ENOX1: variants seen among roughly 807,000 people sequenced by gnomAD.
The protein encoded by ENOX1 is candidate growth-related and time keeping constitutive hydroquinone (NADH) oxidase.
A neutral mutation model predicts 82.5 loss-of-function variants in ENOX1; 42 were observed. The observed-to-expected ratio is 0.51, with a 90% CI of 0.40 to 0.66. The LOEUF is 0.66. ENOX1 is among the 30% of genes least tolerant of loss of function. The pLI is 0.00. For missense variants in ENOX1, 608 were observed against 811.6 expected (o/e 0.75, Z 3.05); for synonymous variants, 271 against 282.2 (o/e 0.96, Z 0.40).
In ENOX1 at chr13:43,419,025, A is replaced by G. The variant is rs2054810477; in HGVS notation, c.-74-6037T>C. 2.0e-5 allele frequency among the ~76,000 whole-genome samples: 3 copies of G among 152,116 alleles called. No homozygotes were observed. The South Asian group carries it at 6.2e-4, about 32-fold the overall frequency. ...AAACCCCGTCTCTACTAAAAATACAAAACTTAGCTGGGTATGGTGGCGGGT... is the reference window on the plus strand; with the variant it reads ...AAACCCCGTCTCTACTAAAAATACAGAACTTAGCTGGGTATGGTGGCGGGT... On this transcript the variant is annotated intron_variant, in intron 3 of 16. Transcript: ENST00000690772.
intron 12 of ENOX1, among the ~76,000 whole-genome samples, chr13:43,292,666 T>C (rs2046065200): frequency 6.6e-6 from 1 of 152,048 alleles, no homozygotes; most frequent in Non-Finnish European, 1.5e-5. Flanking sequence ...ATGCTCATTT[T>C]ATCTCTTTCC....
chr13:43,574,379 T>C (rs2080322563), intron 2 of ENOX1, among the ~76,000 whole-genome samples: 1 of 152,096 alleles, frequency 6.6e-6, no homozygotes, highest in Non-Finnish European at 1.5e-5. Flanking sequence ...AAGTGCAGTA[T>C]TGTCAGCGAG....
chr13:43,478,971 A>G (rs79765694), intron 3 of ENOX1, among the ~76,000 whole-genome samples: 3 of 56,004 alleles, frequency 5.4e-5, no homozygotes, highest in South Asian at 6.3e-4. Flanking sequence ...AAGCCTTTGG[A>G]GGAGAAACTC....
intron 2 of ENOX1, among the ~76,000 whole-genome samples, chr13:43,494,521 G>A (rs7997191): frequency 1.3e-5 from 2 of 152,116 alleles, no homozygotes; most frequent in East Asian, 1.9e-4. Flanking sequence ...TATTGTTTAC[G>A]ATTTATTTGT....
intron 1 of ENOX1, among the ~76,000 whole-genome samples, chr13:43,720,360 G>T (rs771934037): frequency 3.3e-5 from 5 of 152,194 alleles, no homozygotes; most frequent in Admixed American, 6.5e-5. Flanking sequence ...TCATACGGAA[G>T]CCCGTTCAAT....
intron 15 of ENOX1, among the ~76,000 whole-genome samples, chr13:43,232,885 T>C (rs2153457072): frequency 6.6e-6 from 1 of 152,242 alleles, no homozygotes; most frequent in South Asian, 2.1e-4. Flanking sequence ...CAAGAGAATA[T>C]AGAGTGATAC....
At chr13:43,249,328 T>G (rs938156498) in intron 14 of ENOX1, among the ~76,000 whole-genome samples, 5 of 152,238 alleles carry the variant, frequency 3.3e-5, no homozygotes, top group African/African-American at 1.2e-4. Context: ...GTAGAAAATG[T>G]AACCCACACT....
At chr13:43,741,914 A>G (rs1458602475) in intron 1 of ENOX1, among the ~76,000 whole-genome samples, 1 of 152,206 alleles carries the variant, frequency 6.6e-6, no homozygotes, top group African/African-American at 2.4e-5. Flanking sequence ...TAATTTTTGC[A>G]TATGGTATAA....
chr13:43,461,173 T>G (rs1279594581), intron 3 of ENOX1, among the ~76,000 whole-genome samples: 2 of 152,236 alleles, frequency 1.3e-5, no homozygotes, highest in African/African-American at 2.4e-5. Context: ...AATTCTCATG[T>G]AAGTCAGAGT....
chr13:43,595,631 CTT>C lies in ENOX1; in HGVS notation c.-219+71846_-219+71847del, dbSNP rs372545043. On this transcript the variant is annotated intron_variant, in intron 2 of 16. Transcript: ENST00000690772. Reference sequence around the variant, plus strand: ...GGGTCAATGGTAAGAAGAGGGTACACTTTTCACTTTCATCAGAGGTATTTTCA... The same window carrying C: ...GGGTCAATGGTAAGAAGAGGGTACACTTCACTTTCATCAGAGGTATTTTCA... Among the ~76,000 whole-genome samples, 32 of 152,300 alleles carry C rather than the reference CTT, an allele frequency of 2.1e-4. No homozygotes were observed. The East Asian group carries it at 5.4e-3, about 26-fold the overall frequency.
chr13:43,719,347 A>ACACACC (rs2088399739), intron 1 of ENOX1, among the ~76,000 whole-genome samples: 1 of 147,258 alleles, frequency 6.8e-6, no homozygotes, highest in Non-Finnish European at 1.5e-5. Flanking sequence ...ACACACACAC[A>ACACACC]CCAGCAATCG....
At chr13:43,533,868 G>A (rs185499523) in intron 2 of ENOX1, among the ~76,000 whole-genome samples, 6 of 152,224 alleles carry the variant, frequency 3.9e-5, no homozygotes, top group Middle Eastern at 3.4e-3. Context: ...TTATGGAGGC[G>A]TTTGAGCACC....
intron 2 of ENOX1, among the ~76,000 whole-genome samples, chr13:43,589,216 G>GAAAAAAAA (rs58912569): frequency 3.3e-4 from 26 of 79,744 alleles, no homozygotes; most frequent in African/African-American, 6.3e-4. Flanking sequence ...GACATTAATG[G>GAAAAAAAA]AAAAAAAAAA....
At chr13:43,223,711 GA>G (rs2041899346) in intron 16 of ENOX1, among the ~76,000 whole-genome samples, 1 of 152,162 alleles carries the variant, frequency 6.6e-6, no homozygotes. Context: ...AATATGGTCT[GA>G]GGATAATGCC....
chr13:43,615,432 G>A (rs915422079), intron 2 of ENOX1, among the ~76,000 whole-genome samples: 4 of 152,044 alleles, frequency 2.6e-5, no homozygotes, highest in African/African-American at 7.2e-5. Context: ...TTAAGTTCCG[G>A]GGCCCACACA....
intron 2 of ENOX1, among the ~76,000 whole-genome samples, chr13:43,635,388 A>G (rs1169363732): frequency 6.6e-6 from 1 of 152,212 alleles, no homozygotes; most frequent in African/African-American, 2.4e-5. Context: ...CTTTCAACAA[A>G]TGTCCGTTAC....
At chr13:43,556,006 C>T (rs1297328203) in intron 2 of ENOX1, among the ~76,000 whole-genome samples, 1 of 152,140 alleles carries the variant, frequency 6.6e-6, no homozygotes, top group East Asian at 1.9e-4. Flanking sequence ...CTCAAATCTC[C>T]CCTTACTTAA....
At chr13:43,390,592 G>C (rs2052714376) in intron 5 of ENOX1, among the ~76,000 whole-genome samples, 1 of 151,850 alleles carries the variant, frequency 6.6e-6, no homozygotes, top group South Asian at 2.1e-4. Flanking sequence ...CCCAAATCAG[G>C]GAGTTTGGGA....
At chr13:43,710,902 A>T (rs2087653674) in intron 1 of ENOX1, among the ~76,000 whole-genome samples, 1 of 152,016 alleles carries the variant, frequency 6.6e-6, no homozygotes, top group Non-Finnish European at 1.5e-5. Context: ...TCTAGGATTA[A>T]GAAAGTTGGT....
Sources: allele counts gnomAD v4.1 joint callset (sites outside exome capture counted in the v4.1 genomes callset), GRCh38; gene constraint gnomAD v4.1.1; transcripts MANE v1.5; gene names NCBI Gene and HGNC (gene_info 2026-07-23, HGNC 2026-07-21).